Variants in FAM120C observed in about 807,000 individuals in gnomAD.
FAM120C encodes constitutive coactivator of PPAR-gamma-like protein 2.
In FAM120C, 14 loss-of-function variants were observed where a neutral mutation model predicts 71.2. That is an observed-to-expected ratio of 0.20 (90% CI 0.13 to 0.31). The LOEUF (loss-of-function observed/expected upper bound fraction) is 0.31, where lower values mean the gene tolerates loss of function less well. FAM120C is among the 10% of genes least tolerant of loss of function. The pLI, the probability that FAM120C is intolerant of heterozygous loss-of-function variation, is 1.00. For missense variants in FAM120C, 500 were observed against 879.0 expected (o/e 0.57, Z 5.45); for synonymous variants, 354 against 353.2 (o/e 1.00, Z -0.03).
chrX:54,099,161 C>A (rs1557123793), intron 10 of FAM120C, among the ~76,000 whole-genome samples: 2 of 108,894 alleles, frequency 1.8e-5, no homozygotes, highest in Admixed American at 2.0e-4. Flanking sequence ...ACCACAGGTG[C>A]ACAGCTACGC....
At chrX:54,101,840 T>G (rs2066883858) in intron 10 of FAM120C, among the ~76,000 whole-genome samples, 2 of 111,573 alleles carry the variant, frequency 1.8e-5, no homozygotes, top group South Asian at 7.6e-4. Flanking sequence ...TTGTAACCAT[T>G]TAATCAATCT....
intron 2 of FAM120C, among the ~76,000 whole-genome samples, chrX:54,159,057 G>C (rs782000495): frequency 9.0e-6 from 1 of 111,589 alleles, no homozygotes. Context: ...AAGTTGTCTC[G>C]GCCTAATAAA....
rs1557130398 is a variant in FAM120C at position 54,135,538 on chromosome X, C to G, written c.1325G>C (p.Gly442Ala). The change falls in exon 6 of 16, where the codon GGA (glycine) becomes GCA (alanine). Residue 442 changes from glycine to alanine, a missense_variant. Gly to Ala is a moderately conservative substitution (Grantham distance 60). This residue lies in a region of FAM120C where 55 missense variants were observed against 96.7 expected (regional missense o/e 0.57). Transcript: ENST00000375180. ...PRNQVGTISAGKPMFSHQVPQ... is the reference protein window; with the variant it reads ...PRNQVGTISAAKPMFSHQVPQ... ...TTAAAGGATGCTTACCATTGGCTTT[C>G]CAGCAGAAATGGTGCCCACTTGATT... 1 of 1,207,530 alleles carries G rather than the reference C, an allele frequency of 8.3e-7. No individual in the cohort carries two copies. The highest frequency in any genetic ancestry group is 2.2e-5 in the Admixed American group (1 of 45,485).
At position 54,183,031 on chromosome X, in the gene FAM120C, G is replaced by C. The variant is rs1557137819; in HGVS notation, c.168C>G (p.Ala56=). Residue 56 remains alanine (A), a synonymous_variant, in exon 1 of 16, where the codon GCC becomes GCG. Coordinates refer to ENST00000375180, the MANE Select transcript of FAM120C (RefSeq NM_017848.6). ...GTTGCAGAGGCACGGAGCCCCTGGC[G>C]GCGCGTGGAGCCCCGGGCGCTAGGG... ...TAALAPGAPR[A]ARGSVPLQPP... The C allele has an allele frequency of 8.6e-7, 1 of 1,157,721 alleles. No individual in the cohort carries two copies. Among genetic ancestry groups the C allele is most frequent in the Non-Finnish European group, 1.1e-6 (1 of 871,367 alleles).
At chrX:54,104,977 G>A (rs782641908) in intron 10 of FAM120C, among the ~76,000 whole-genome samples, 1 of 111,413 alleles carries the variant, frequency 9.0e-6, no homozygotes, top group East Asian at 2.8e-4. Context: ...TCTATCAGAC[G>A]TACAAAGAGG....
chrX:54,153,209 A>C (rs1557133232), intron 3 of FAM120C, among the ~76,000 whole-genome samples: 1 of 111,288 alleles, frequency 9.0e-6, no homozygotes, highest in African/African-American at 3.3e-5. Context: ...AGCCTCACTG[A>C]GAATGAAATT....
At chrX:54,083,991 T>A (rs897595399) in intron 13 of FAM120C, among the ~76,000 whole-genome samples, 15 of 111,096 alleles carry the variant, frequency 1.4e-4, no homozygotes, top group African/African-American at 4.9e-4. Context: ...ACGTGCTGGA[T>A]TACAGGTATG....
rs1376591534 is a variant in FAM120C, at chrX:54,073,134, CAT to C, written c.3188_3189del (p.Asn1063ArgfsTer3). 3.3e-6 allele frequency: 4 copies of C among 1,209,525 alleles called. No individual in the cohort carries two copies. Among genetic ancestry groups the C allele is most frequent in the African/African-American group, 1.8e-5 (1 of 57,130 alleles). ...AGGTAGCGGTTACCATTATTACACT[CAT>C]TGCTGTCTCTGGATAAGGCACATTG... The part of the protein sequence containing the change: ...PSQCALSRDS[N>X]ECNNGNRYLP... On this transcript the variant is annotated frameshift_variant, in exon 16 of 16. Coordinates refer to ENST00000375180, the MANE Select transcript of FAM120C (RefSeq NM_017848.6). LOFTEE classifies it high-confidence loss of function.
At chrX:54,096,820 T>A (rs1452098823) in intron 10 of FAM120C, among the ~76,000 whole-genome samples, 1 of 111,727 alleles carries the variant, frequency 9.0e-6, no homozygotes, top group East Asian at 2.8e-4. Context: ...AATTATTGGG[T>A]CGTAGGTTAT....
chrX:54,111,404 A>T (rs1466601670), intron 10 of FAM120C, among the ~76,000 whole-genome samples: 1 of 111,161 alleles, frequency 9.0e-6, no homozygotes, highest in African/African-American at 3.3e-5. Context: ...AATCCTCCAA[A>T]AGACTCCTAG....
intron 10 of FAM120C, among the ~76,000 whole-genome samples, chrX:54,102,205 GT>G (rs1557124248): frequency 9.4e-6 from 1 of 106,607 alleles, no homozygotes; most frequent in Admixed American, 1.0e-4. Flanking sequence ...TGGCTTGTTT[GT>G]TTTTTGTAGA....
At chrX:54,162,217 A>C (rs1177410331) in intron 1 of FAM120C, among the ~76,000 whole-genome samples, 1 of 111,529 alleles carries the variant, frequency 9.0e-6, no homozygotes, top group East Asian at 2.8e-4. Flanking sequence ...TTCCTCTCAC[A>C]ATTCCGCAAT....
chrX:54,084,526 C>T (rs1279122330), intron 13 of FAM120C, among the ~76,000 whole-genome samples: 6 of 112,126 alleles, frequency 5.4e-5, no homozygotes, highest in Non-Finnish European at 1.9e-5. Flanking sequence ...GAAATGTCTC[C>T]ACTAAAATAT....
Position 54,131,435 on chromosome X carries a change from A to ATT in FAM120C, c.2062+1255_2062+1256dup, listed in dbSNP as rs782721502. The stretch of plus-strand genomic sequence containing the variant: ...AGGCACATGCCACCATGCCCAGCTA[A>ATT]TTTTTTTTTTTTTTTTTTCTGAGAC... On this transcript the variant is annotated intron_variant, in intron 9 of 15. Transcript: ENST00000375180. 2.5e-4 allele frequency among the ~76,000 whole-genome samples: 24 copies of ATT among 95,943 alleles called. 1 individual carries two copies. The highest frequency in any genetic ancestry group is 7.7e-4 in the African/African-American group (20 of 25,885). 83.3% of individuals were successfully genotyped at this position (95,943 alleles called of 115,157 possible).
intron 1 of FAM120C, among the ~76,000 whole-genome samples, chrX:54,179,719 A>G (rs1202267627): frequency 1.8e-5 from 2 of 111,707 alleles, no homozygotes; most frequent in Admixed American, 9.5e-5. Context: ...TCTACAATCC[A>G]TTCTCTTAGG....
chrX:54,160,649 T>A (rs1260656444), intron 1 of FAM120C, among the ~76,000 whole-genome samples: 1 of 111,903 alleles, frequency 8.9e-6, no homozygotes, highest in Admixed American at 9.6e-5. Context: ...AGAAATTACC[T>A]CTGTATTCCT....
intron 8 of FAM120C, 84 bp downstream of exon 8, chrX:54,133,689 G>T: frequency 9.6e-7 from 1 of 1,036,435 alleles, no homozygotes; most frequent in Non-Finnish European, 1.3e-6. Context: ...CCAGTGACCA[G>T]AATGTTCTCT....
chrX:54,087,672 CTA>C (rs1557122118), intron 12 of FAM120C, 81 bp downstream of exon 12: 14 of 937,778 alleles, frequency 1.5e-5, no homozygotes, highest in Non-Finnish European at 7.5e-6. Context: ...TCCCTCTCCA[CTA>C]TCTCTGCTCC....
In FAM120C at chrX:54,085,752, C is replaced by T. The variant is rs41304786; in HGVS notation, c.2802G>A (p.Met934Ile). Residue 934 changes from methionine (M) to isoleucine (I), a missense_variant, in exon 13 of 16, where the codon ATG (methionine) becomes ATA (isoleucine). Physicochemically the swap from Met to Ile is conservative, Grantham distance 10. Transcript: ENST00000375180. The part of the protein sequence containing the change: ...VSLYSRAMGS[M>I]PLPPQGRSRG... ...GGCTCCTCCCTTGAGGGGGAAGTGGCATGGAGCCCATAGCTCGGGAATAAA... is the reference window on the plus strand; with the variant it reads ...GGCTCCTCCCTTGAGGGGGAAGTGGTATGGAGCCCATAGCTCGGGAATAAA... 21,474 of 1,209,526 alleles carry T rather than the reference C, an allele frequency of 0.018. 173 individuals carry two copies. Among genetic ancestry groups the T allele is most frequent in the Non-Finnish European group, 0.022 (19,405 of 895,117 alleles).
Sources: gnomAD v4.1 joint callset for allele counts (sites outside exome capture counted in the v4.1 genomes callset) on GRCh38, gnomAD v4.1.1 for gene constraint, gnomAD v4.1.1 regional missense constraint, MANE v1.5 for transcripts, NCBI Gene and HGNC (gene_info 2026-07-23, HGNC 2026-07-21) for gene names.